Variants in RABGAP1L observed in about 807,000 individuals in gnomAD.
RABGAP1L encodes the protein rab GTPase-activating protein 1-like.
In RABGAP1L, 63 loss-of-function variants were observed where a neutral mutation model predicts 137.7. The ratio of observed to expected loss-of-function variants is 0.46; its 90% CI spans 0.37 to 0.56. RABGAP1L has a LOEUF of 0.56. RABGAP1L is among the 20% of genes least tolerant of loss of function. The pLI is 0.00. For synonymous variants in RABGAP1L, 431 were observed against 433.7 expected, an observed-to-expected ratio of 0.99 and a Z score of 0.08; for missense variants, 1,095 against 1,244.0, an observed-to-expected ratio of 0.88 and a Z score of 1.80.
At chr1:174,252,629 T>C in intron 7 of RABGAP1L, 39 bp downstream of exon 7, 1 of 1,591,650 alleles carries the variant, frequency 6.3e-7, no homozygotes, top group African/African-American at 1.4e-5. Flanking sequence ...AAAACTTGTA[T>C]TGACATTGTT....
chr1:174,838,577 TAGAG>T (rs371436790), intron 19 of RABGAP1L, among the ~76,000 whole-genome samples: 11 of 151,978 alleles, frequency 7.2e-5, no homozygotes, highest in South Asian at 2.1e-4. Flanking sequence ...TAATTTGAAA[TAGAG>T]AGTATTATTT....
intron 14 of RABGAP1L, among the ~76,000 whole-genome samples, chr1:174,678,220 A>G (rs1469499094): frequency 6.6e-6 from 1 of 152,212 alleles, no homozygotes; most frequent in Admixed American, 6.5e-5. Flanking sequence ...GGATAGCTCT[A>G]TTTCCACTAA....
intron 23 of RABGAP1L, among the ~76,000 whole-genome samples, chr1:174,979,963 G>C (rs1044773049): frequency 6.6e-6 from 1 of 152,144 alleles, no homozygotes; most frequent in Non-Finnish European, 1.5e-5. Flanking sequence ...TCTGAAGTCT[G>C]ATACTTACTT....
chr1:174,336,577 G>T (rs1404254375), intron 11 of RABGAP1L, among the ~76,000 whole-genome samples: 2 of 152,332 alleles, frequency 1.3e-5, no homozygotes, highest in East Asian at 1.9e-4. Flanking sequence ...ATTACCTGGA[G>T]ATCTTGTTAA....
chr1:174,229,466 G>A (rs1413659835), intron 3 of RABGAP1L, among the ~76,000 whole-genome samples: 2 of 152,118 alleles, frequency 1.3e-5, no homozygotes, highest in African/African-American at 4.8e-5. Context: ...GTATGTGCCT[G>A]GGAAAAACAA....
intron 19 of RABGAP1L, chr1:174,897,979 A>AC (rs1460967119): frequency 1.3e-4 from 7 of 53,644 alleles, no homozygotes; most frequent in East Asian, 1.2e-3. Flanking sequence ...ACTCCATCTC[A>AC]AAAAAAAAAA....
intron 18 of RABGAP1L, among the ~76,000 whole-genome samples, chr1:174,757,908 A>T (rs1468515462): frequency 6.6e-6 from 1 of 152,008 alleles, no homozygotes; most frequent in East Asian, 1.9e-4. Flanking sequence ...CTGTAATCCC[A>T]GCTACTTGGG....
intron 19 of RABGAP1L, among the ~76,000 whole-genome samples, chr1:174,817,831 G>A (rs1311726747): frequency 6.6e-6 from 1 of 152,108 alleles, no homozygotes; most frequent in Non-Finnish European, 1.5e-5. Flanking sequence ...AATTATGGAT[G>A]AATTCCAGAG....
At chr1:174,467,915 G>A (rs1274595335) in intron 13 of RABGAP1L, among the ~76,000 whole-genome samples, 1 of 152,110 alleles carries the variant, frequency 6.6e-6, no homozygotes, top group Non-Finnish European at 1.5e-5. Flanking sequence ...GAGAATTGAT[G>A]AGGATCCATG....
At chr1:174,466,733 G>A (rs760455344) in intron 13 of RABGAP1L, among the ~76,000 whole-genome samples, 3 of 152,196 alleles carry the variant, frequency 2.0e-5, no homozygotes, top group African/African-American at 4.8e-5. Context: ...GCTACAATGA[G>A]CCAAGATCAC....
At chr1:174,857,011 A>G (rs1232255469) in intron 19 of RABGAP1L, among the ~76,000 whole-genome samples, 1 of 152,196 alleles carries the variant, frequency 6.6e-6, no homozygotes, top group Admixed American at 6.5e-5. Flanking sequence ...CAAGTGTAAA[A>G]TATGCTCAGT....
At chr1:174,823,645 C>G (rs1451493315) in intron 19 of RABGAP1L, among the ~76,000 whole-genome samples, 1 of 152,118 alleles carries the variant, frequency 6.6e-6, no homozygotes, top group African/African-American at 2.4e-5. Flanking sequence ...TTATAGTATT[C>G]AGTAGCACAT....
At chr1:174,936,059 T>C (rs985583875) in intron 19 of RABGAP1L, among the ~76,000 whole-genome samples, 1 of 151,390 alleles carries the variant, frequency 6.6e-6, no homozygotes, top group Admixed American at 6.6e-5. Flanking sequence ...AGATTTAAAT[T>C]TAACTTTGTT....
chr1:174,836,632 T>C (rs752605902), intron 19 of RABGAP1L, among the ~76,000 whole-genome samples: 4 of 152,250 alleles, frequency 2.6e-5, no homozygotes, highest in Non-Finnish European at 5.9e-5. Flanking sequence ...ATATCTCTGA[T>C]AGGACTTGCT....
intron 1 of RABGAP1L, among the ~76,000 whole-genome samples, chr1:174,162,805 ATTATAC>A (rs1664605492): frequency 7.8e-4 from 23 of 29,458 alleles, no homozygotes; most frequent in Non-Finnish European, 1.1e-3. Context: ...TTTTTTTTTA[ATTATAC>A]TTTAAGTTTT....
chr1:174,227,275 A>G (rs1330014767), intron 3 of RABGAP1L, among the ~76,000 whole-genome samples: 1 of 147,230 alleles, frequency 6.8e-6, no homozygotes, highest in East Asian at 2.0e-4. Flanking sequence ...ATCTCAGCTC[A>G]CTGCAACCTC....
intron 19 of RABGAP1L, among the ~76,000 whole-genome samples, chr1:174,882,010 C>T (rs1000708293): frequency 1.3e-5 from 2 of 151,548 alleles, no homozygotes; most frequent in Admixed American, 6.6e-5. Flanking sequence ...TATAGGCATG[C>T]GCCACCATGC....
chr1:174,640,492 A>G (rs1674443164), intron 14 of RABGAP1L, among the ~76,000 whole-genome samples: 1 of 152,024 alleles, frequency 6.6e-6, no homozygotes, highest in Non-Finnish European at 1.5e-5. Context: ...CTAACCATTT[A>G]AAGGTAGTCT....
chr1:174,900,545 C>T (rs995350398), intron 19 of RABGAP1L, among the ~76,000 whole-genome samples: 1 of 152,196 alleles, frequency 6.6e-6, no homozygotes, highest in Non-Finnish European at 1.5e-5. Flanking sequence ...ACATTCCTGT[C>T]ATTACTGAAG....
Sources: gnomAD v4.1 joint callset for allele counts (sites outside exome capture counted in the v4.1 genomes callset) on GRCh38, gnomAD v4.1.1 for gene constraint, MANE v1.5 for transcripts, NCBI Gene and HGNC (gene_info 2026-07-23, HGNC 2026-07-21) for gene names.